Variants in DNAH11 observed in about 807,000 individuals in gnomAD.
DNAH11 encodes dynein axonemal heavy chain 11, also known as axonemal beta dynein heavy chain 11.
In DNAH11, 442 loss-of-function variants were observed where a neutral mutation model predicts 526.0. The ratio of observed to expected loss-of-function variants is 0.84; its 90% CI spans 0.78 to 0.91. The LOEUF (loss-of-function observed/expected upper bound fraction) is 0.91, where lower values mean the gene tolerates loss of function less well. DNAH11 is among the 40% of genes least tolerant of loss of function. The probability of loss-of-function intolerance (pLI) is 0.00; values close to 1 mark genes in which losing one functional copy is unlikely to be tolerated. For missense variants in DNAH11, 6,989 were observed against 5,448.7 expected, an observed-to-expected ratio of 1.28 and a Z score of -8.90; for synonymous variants, 2,461 against 1,935.9, an observed-to-expected ratio of 1.27 and a Z score of -7.12.
intron 75 of DNAH11, among the ~76,000 whole-genome samples, chr7:21,882,755 C>G (rs1429652236): frequency 6.6e-6 from 1 of 152,084 alleles, no homozygotes; most frequent in Non-Finnish European, 1.5e-5. Flanking sequence ...TGAGATCATA[C>G]CACTGCACTC....
At chr7:21,639,846 A>G (rs1051912608) in intron 28 of DNAH11, among the ~76,000 whole-genome samples, 5 of 151,322 alleles carry the variant, frequency 3.3e-5, no homozygotes, top group African/African-American at 9.8e-5. Flanking sequence ...CTTGTGCTAT[A>G]TAATTGTGGA....
intron 65 of DNAH11, among the ~76,000 whole-genome samples, chr7:21,838,242 A>T (rs1278737954): frequency 6.6e-6 from 1 of 152,266 alleles, no homozygotes; most frequent in Admixed American, 6.5e-5. Flanking sequence ...TTATCCTGTG[A>T]TACACATTGC....
At chr7:21,597,636 G>A (rs1318839195) in intron 14 of DNAH11, among the ~76,000 whole-genome samples, 1 of 152,158 alleles carries the variant, frequency 6.6e-6, no homozygotes, top group African/African-American at 2.4e-5. Context: ...TGAGAATTCT[G>A]TAATGAGAAC....
chr7:21,646,393 G>T (rs901894372), intron 28 of DNAH11, among the ~76,000 whole-genome samples: 4 of 152,200 alleles, frequency 2.6e-5, no homozygotes, highest in African/African-American at 9.7e-5. Flanking sequence ...CATCACAGGT[G>T]AGGAACAAAT....
chr7:21,857,002 C>T (rs1196195157), intron 68 of DNAH11, among the ~76,000 whole-genome samples: 1 of 152,058 alleles, frequency 6.6e-6, no homozygotes, highest in Non-Finnish European at 1.5e-5. Context: ...CAATAGAAGG[C>T]AAGAGATTTA....
rs1783904463 is a variant in DNAH11, at chr7:21,571,871, A to G, written c.1491A>G (p.Gly497=). The G allele has an allele frequency of 6.2e-7, 1 of 1,613,150 alleles. No homozygotes were observed. The highest frequency in any genetic ancestry group is 8.5e-7 in the Non-Finnish European group (1 of 1,179,610). The change falls in exon 8 of 82, where the codon GGA becomes GGG. Residue 497 remains glycine, a synonymous_variant. Coordinates refer to ENST00000409508, the MANE Select transcript of DNAH11 (RefSeq NM_001277115.2). ...LERLEFGGTK[G]AILNGQVHEM... ...GACTGGAATTTGGTGGTACCAAAGG[A>G]GCAATTTTAAATGGACAAGTCCACG... is the stretch of plus-strand genomic sequence containing the variant.
chr7:21,573,573 C>A (rs548874814), intron 8 of DNAH11, among the ~76,000 whole-genome samples: 3 of 152,212 alleles, frequency 2.0e-5, no homozygotes, highest in Non-Finnish European at 4.4e-5. Flanking sequence ...TATATTTTTG[C>A]TTAATAAGCT....
At chr7:21,855,730 G>C (rs1357194997) in intron 68 of DNAH11, among the ~76,000 whole-genome samples, 2 of 152,120 alleles carry the variant, frequency 1.3e-5, no homozygotes, top group East Asian at 3.9e-4. Context: ...TTAGACAAAT[G>C]TTTATTATGA....
At chr7:21,793,641 T>A (rs1439983559) in intron 61 of DNAH11, among the ~76,000 whole-genome samples, 4 of 151,934 alleles carry the variant, frequency 2.6e-5, no homozygotes, top group African/African-American at 7.3e-5. Flanking sequence ...AGAATTTGTA[T>A]TCTGCAGCTG....
intron 25 of DNAH11, among the ~76,000 whole-genome samples, chr7:21,631,478 C>T (rs773735133): frequency 9.8e-5 from 15 of 152,290 alleles, no homozygotes; most frequent in Admixed American, 2.0e-4. Flanking sequence ...CCTGTAAAAT[C>T]AAAAGCAAGT....
rs576036079 is a variant in DNAH11 at position 21,882,711 on chromosome 7, C to T, written c.12388-1580C>T. ...ATTTAGGAGACTGAGGTGAGAGGAT[C>T]GCTTGAACCCTGGAAGTGGAGGTTG... On this transcript the variant is annotated intron_variant, in intron 75 of 81. Transcript: ENST00000409508. Among the ~76,000 whole-genome samples the T allele has an allele frequency of 5.9e-5, 9 of 152,204 alleles. 1 individual carries two copies. The South Asian group carries it at 1.9e-3, about 32-fold the overall frequency.
chr7:21,860,188 C>T (rs1327038596), intron 68 of DNAH11, among the ~76,000 whole-genome samples: 1 of 151,516 alleles, frequency 6.6e-6, no homozygotes, highest in Non-Finnish European at 1.5e-5. Context: ...AAAAAGGCAA[C>T]AAACATATGA....
intron 76 of DNAH11, 96 bp downstream of exon 76, chr7:21,884,506 A>G: frequency 1.5e-6 from 2 of 1,300,618 alleles, no homozygotes; most frequent in South Asian, 1.7e-5. Context: ...GCAATTCTTA[A>G]TGTTATTGAG....
Position 21,591,260 on chromosome 7 carries a change from C to G in DNAH11, c.2350C>G (p.Leu784Val), listed in dbSNP as rs1318536779. Residue 784 changes from leucine (L) to valine (V), a missense_variant, in exon 14 of 82, where the codon CTG (leucine) becomes GTG (valine). Leu to Val is a conservative substitution (Grantham distance 32, BLOSUM62 1). Transcript: ENST00000409508. Reference protein sequence around the residue: ...KQTLLEVEYPLIEDELRAIDE... With the variant: ...KQTLLEVEYPVIEDELRAIDE... ...GACGCTCCTGGAAGTTGAATACCCTCTGATTGAAGATGAGCTGAGGGCTAT... is the reference window on the plus strand; with the variant it reads ...GACGCTCCTGGAAGTTGAATACCCTGTGATTGAAGATGAGCTGAGGGCTAT... The G allele has an allele frequency of 1.2e-6, 2 of 1,605,668 alleles. No homozygotes were observed. The highest frequency in any genetic ancestry group is 4.5e-5 in the East Asian group (2 of 44,740).
In DNAH11 at chr7:21,850,079, G is replaced by A. The variant is rs548181506; in HGVS notation, c.10897-2388G>A. Among the ~76,000 whole-genome samples the A allele has an allele frequency of 6.6e-5, 10 of 151,190 alleles. No homozygotes were observed. In the East Asian group the frequency reaches 7.8e-4, roughly 12 times the overall value. On this transcript the variant is annotated intron_variant, in intron 66 of 81. Coordinates refer to ENST00000409508, the MANE Select transcript of DNAH11 (RefSeq NM_001277115.2). ...AGCCCGTCAAAAACATTCTTCAGCCGGGCACGGTGGCTCACGCCTGTAATC... is the reference window on the plus strand; with the variant it reads ...AGCCCGTCAAAAACATTCTTCAGCCAGGCACGGTGGCTCACGCCTGTAATC...
At chr7:21,750,722 C>G (rs1470957819) in intron 54 of DNAH11, among the ~76,000 whole-genome samples, 2 of 152,156 alleles carry the variant, frequency 1.3e-5, no homozygotes, top group African/African-American at 4.8e-5. Flanking sequence ...CTCACTGGAG[C>G]TGGTCATCCT....
chr7:21,690,948 T>C lies in DNAH11; in HGVS notation c.6041+67T>C, dbSNP rs989546608. On this transcript the variant is annotated intron_variant, in intron 35 of 81. Transcript: ENST00000409508. ...GCCACCTAATGTTGTTGGTTTGCAC[T>C]GTTAAGTGGTTTGCTTTTACTTGAA... The C allele has an allele frequency of 4.2e-6, 5 of 1,182,070 alleles. No homozygotes were observed. In the African/African-American group the frequency reaches 6.3e-5, roughly 15 times the overall value. 73.2% of individuals were successfully genotyped at this position (1,182,070 alleles called of 1,614,324 possible).
chr7:21,872,532 A>G (rs10254159), intron 73 of DNAH11, among the ~76,000 whole-genome samples: 121,861 of 152,164 alleles, frequency 0.8, 49,499 homozygotes, highest in Non-Finnish European at 0.84. Flanking sequence ...AAGCCAGAGA[A>G]CATGTAAGGT....
chr7:21,612,277 T>C (rs574935894), intron 20 of DNAH11, among the ~76,000 whole-genome samples: 251 of 152,104 alleles, frequency 1.7e-3, no homozygotes, highest in African/African-American at 3.1e-3. Context: ...CTAAGAAGGC[T>C]GGGCATGGTG....
Sources: allele counts gnomAD v4.1 joint callset (sites outside exome capture counted in the v4.1 genomes callset), GRCh38; gene constraint gnomAD v4.1.1; transcripts MANE v1.5; gene names NCBI Gene and HGNC (gene_info 2026-07-23, HGNC 2026-07-21).